Variants in SNTG1 observed in about 807,000 individuals in gnomAD.
SNTG1 encodes syntrophin gamma 1, also known as gamma-1-syntrophin.
In SNTG1, 39 loss-of-function variants were observed where a neutral mutation model predicts 74.7. That is an observed-to-expected ratio of 0.52 (90% confidence interval 0.40 to 0.68). The LOEUF is 0.68. Ranked by LOEUF, SNTG1 falls within the 30% of genes least tolerant of loss-of-function variation. The pLI, the probability that SNTG1 is intolerant of heterozygous loss-of-function variation, is 0.00. For missense variants in SNTG1, 685 were observed against 609.5 expected (o/e 1.12, Z -1.30); for synonymous variants, 254 against 217.1 (o/e 1.17, Z -1.49).
intron 2 of SNTG1, among the ~76,000 whole-genome samples, chr8:50,330,499 T>C (rs922407160): frequency 2.0e-5 from 3 of 152,188 alleles, no homozygotes; most frequent in Non-Finnish European, 2.9e-5. Context: ...CCTACCTTCT[T>C]CTCACCCTCC....
intron 15 of SNTG1, among the ~76,000 whole-genome samples, chr8:50,693,017 T>C (rs369088049): frequency 2.0e-5 from 3 of 152,278 alleles, no homozygotes; most frequent in East Asian, 3.9e-4. Flanking sequence ...GTGTTAGCAA[T>C]GAGCAAGACT....
chr8:50,142,649 A>G (rs1186495301), intron 1 of SNTG1, among the ~76,000 whole-genome samples: 1 of 152,150 alleles, frequency 6.6e-6, no homozygotes, highest in Non-Finnish European at 1.5e-5. Flanking sequence ...TGGTAAATGA[A>G]GTAAAATTTT....
intron 4 of SNTG1, among the ~76,000 whole-genome samples, chr8:50,430,000 T>C (rs1334721760): frequency 2.0e-5 from 3 of 152,272 alleles, no homozygotes; most frequent in African/African-American, 7.2e-5. Context: ...TCATACATTG[T>C]TGATGAGAAT....
At chr8:50,530,435 T>C (rs1455714672) in intron 10 of SNTG1, among the ~76,000 whole-genome samples, 176 bp downstream of exon 10, 2 of 151,072 alleles carry the variant, frequency 1.3e-5, no homozygotes, top group Admixed American at 6.6e-5. Flanking sequence ...GCCATTTTTT[T>C]CCCCTCTCAA....
In SNTG1 at chr8:50,475,227, T is replaced by A. The variant is rs542258145; in HGVS notation, c.363+24498T>A. ...ATGTACCCTAAAACTTAAAGTATAA[T>A]AATAATAATAATAATAATAAAAAAG... On this transcript the variant is annotated intron_variant, in intron 8 of 18. Transcript: ENST00000642720. Among the ~76,000 whole-genome samples the A allele has an allele frequency of 6.7e-5, 10 of 149,134 alleles. No homozygotes were observed. In the South Asian group the frequency reaches 1.9e-3, roughly 28 times the overall value.
intron 8 of SNTG1, among the ~76,000 whole-genome samples, chr8:50,495,298 A>G (rs1238771617): frequency 6.6e-6 from 1 of 152,036 alleles, no homozygotes; most frequent in Admixed American, 6.6e-5. Context: ...AATACATACA[A>G]TGCCTCCCCA....
At chr8:50,212,111 GTTTT>G (rs199711868) in intron 2 of SNTG1, among the ~76,000 whole-genome samples, 1 of 150,906 alleles carries the variant, frequency 6.6e-6, no homozygotes, top group South Asian at 2.1e-4. Flanking sequence ...CTCAAAACTG[GTTTT>G]TTTTTCTCTC....
chr8:50,180,749 CCTTTTT>C (rs2083172902), intron 2 of SNTG1, among the ~76,000 whole-genome samples: 1 of 125,082 alleles, frequency 8.0e-6, no homozygotes, highest in Non-Finnish European at 1.6e-5. Context: ...GATTGTGAAG[CCTTTTT>C]TTTTTTTTTT....
chr8:50,249,816 GAA>G (rs35488322), intron 2 of SNTG1, among the ~76,000 whole-genome samples: 1 of 151,890 alleles, frequency 6.6e-6, no homozygotes, highest in Non-Finnish European at 1.5e-5. Context: ...CCATTTACAG[GAA>G]AAAGCTTTTT....
intron 15 of SNTG1, among the ~76,000 whole-genome samples, chr8:50,670,649 A>T (rs971940070): frequency 1.4e-5 from 2 of 140,920 alleles, no homozygotes; most frequent in Non-Finnish European, 1.5e-5. Flanking sequence ...TGCCATCCCA[A>T]TCAAGCTACC....
At chr8:50,454,764 C>T (rs1357327772) in intron 8 of SNTG1, among the ~76,000 whole-genome samples, 1 of 145,536 alleles carries the variant, frequency 6.9e-6, no homozygotes, top group Non-Finnish European at 1.5e-5. Context: ...ATTGTTTGAA[C>T]CCAGGAGGCA....
intron 13 of SNTG1, among the ~76,000 whole-genome samples, chr8:50,603,412 C>T (rs950057029): frequency 6.6e-6 from 1 of 152,302 alleles, no homozygotes; most frequent in East Asian, 1.9e-4. Flanking sequence ...TAAATTCCTT[C>T]TCTGTGTTGT....
Position 50,580,046 on chromosome 8 carries a change from C to A in SNTG1, c.811-10833C>A, listed in dbSNP as rs573720469. Among the ~76,000 whole-genome samples, 14 of 152,334 alleles carry A rather than the reference C, an allele frequency of 9.2e-5. No individual in the cohort carries two copies. In the South Asian group the frequency reaches 2.9e-3, roughly 32 times the overall value. On this transcript the variant is annotated intron_variant, in intron 12 of 18. Transcript: ENST00000642720. The stretch of plus-strand genomic sequence containing the variant: ...TAGCAGCCAGGAGGGGAGCTATACC[C>A]TGCAAAGCCACAGGGGTGGACCTGC...
At chr8:50,505,541 G>C (rs549963498) in intron 9 of SNTG1, among the ~76,000 whole-genome samples, 1 of 152,058 alleles carries the variant, frequency 6.6e-6, no homozygotes, top group African/African-American at 2.4e-5. Flanking sequence ...TTTGATAGTG[G>C]CCATTCTAAT....
intron 2 of SNTG1, among the ~76,000 whole-genome samples, chr8:50,358,626 A>G (rs998751947): frequency 6.6e-6 from 1 of 152,236 alleles, no homozygotes; most frequent in East Asian, 1.9e-4. Flanking sequence ...GAAGTGTCTA[A>G]TGATTATCTG....
chr8:50,562,294 A>C (rs1468928579), intron 12 of SNTG1, among the ~76,000 whole-genome samples: 1 of 152,232 alleles, frequency 6.6e-6, no homozygotes, highest in Admixed American at 6.5e-5. Context: ...ATTGCTAATC[A>C]GCTGGCCTTA....
chr8:50,271,496 C>T (rs2087776656), intron 2 of SNTG1, among the ~76,000 whole-genome samples: 1 of 152,148 alleles, frequency 6.6e-6, no homozygotes, highest in Admixed American at 6.6e-5. Flanking sequence ...TTTTAATGGG[C>T]TGTAGCTTTT....
chr8:50,015,091 G>A (rs1335284752), intron 1 of SNTG1, among the ~76,000 whole-genome samples: 1 of 150,756 alleles, frequency 6.6e-6, no homozygotes, highest in Non-Finnish European at 1.5e-5. Context: ...TTAAGTCAGT[G>A]AACCTACATG....
chr8:50,240,695 G>T (rs905610882), intron 2 of SNTG1, among the ~76,000 whole-genome samples: 2 of 152,062 alleles, frequency 1.3e-5, no homozygotes, highest in Non-Finnish European at 1.5e-5. Flanking sequence ...GCAACACTTC[G>T]GTTCTTCATG....
Sources: allele counts gnomAD v4.1 joint callset (sites outside exome capture counted in the v4.1 genomes callset), GRCh38; gene constraint gnomAD v4.1.1; transcripts MANE v1.5; gene names NCBI Gene and HGNC (gene_info 2026-07-23, HGNC 2026-07-21).